Variants in PINX1 observed in about 807,000 individuals in gnomAD.
PINX1 encodes PIN2/TERF1-interacting telomerase inhibitor 1.
PINX1 carries 34 observed loss-of-function variants against 25.4 expected under a neutral mutation model. The ratio of observed to expected loss-of-function variants is 1.34; its 90% CI spans 1.02 to 1.78. PINX1 has a LOEUF of 1.78. Ranked by LOEUF, PINX1 falls within the 40% of genes most tolerant of loss-of-function variation. The pLI is 0.00. For synonymous variants in PINX1, 197 were observed against 147.7 expected (o/e 1.33, Z -2.42); for missense variants, 592 against 404.9 (o/e 1.46, Z -3.97).
intron 4 of PINX1, among the ~76,000 whole-genome samples, chr8:10,831,427 G>C (rs1798223136): frequency 6.6e-6 from 1 of 152,148 alleles, no homozygotes; most frequent in African/African-American, 2.4e-5. Flanking sequence ...CAAATAGCTA[G>C]AAGAACAGAT....
chr8:10,819,988 A>C (rs73208781), intron 6 of PINX1, among the ~76,000 whole-genome samples: 25,490 of 152,158 alleles, frequency 0.17, 2,543 homozygotes, highest in Non-Finnish European at 0.23. Flanking sequence ...GAAAACACTT[A>C]TTCTTTTTTT....
At chr8:10,786,378 C>A (rs564279457) in intron 6 of PINX1, among the ~76,000 whole-genome samples, 11 of 152,256 alleles carry the variant, frequency 7.2e-5, no homozygotes, top group African/African-American at 2.6e-4. Flanking sequence ...TCTTGGTAAA[C>A]AGGGGAATGG....
chr8:10,826,257 TG>T lies in PINX1; in HGVS notation c.302-14del. The T allele has an allele frequency of 7.1e-7, 1 of 1,404,266 alleles. No homozygotes were observed. The allele number at this position is 1,404,266 out of a possible 1,614,324, so 87.0% of individuals were successfully genotyped here. On this transcript the variant is annotated splice_polypyrimidine_tract_variant and intron_variant, in intron 4 of 6. Coordinates refer to ENST00000314787, the MANE Select transcript of PINX1 (RefSeq NM_017884.6). ...TTGTCCGAGGAATCTTTAAAAAAGA[TG>T]AAAAAAATACATTAAAGTCTTTCTA...
At chr8:10,835,613 C>T (rs73209913) in intron 1 of PINX1, among the ~76,000 whole-genome samples, 24,509 of 152,144 alleles carry the variant, frequency 0.16, 2,481 homozygotes, top group Non-Finnish European at 0.23. Flanking sequence ...TATTTATATC[C>T]GCCTTTCCGG....
intron 6 of PINX1, among the ~76,000 whole-genome samples, chr8:10,777,553 T>C (rs1321086539): frequency 6.6e-6 from 1 of 152,096 alleles, no homozygotes; most frequent in Non-Finnish European, 1.5e-5. Context: ...GGGGGTTGGG[T>C]GTGCGAGTGG....
At chr8:10,771,125 G>C (rs1801208128) in intron 6 of PINX1, 1 of 152,230 alleles carries the variant, frequency 6.6e-6, no homozygotes, top group Non-Finnish European at 1.5e-5. Flanking sequence ...AGAACATTCT[G>C]TACCTTTTCC....
intron 6 of PINX1, among the ~76,000 whole-genome samples, chr8:10,796,634 A>G (rs1264474082): frequency 6.6e-6 from 1 of 152,102 alleles, no homozygotes; most frequent in Non-Finnish European, 1.5e-5. Flanking sequence ...CTCACTCCAG[A>G]CAGGTGATAA....
chr8:10,811,455 A>C (rs2409658), intron 6 of PINX1, among the ~76,000 whole-genome samples: 1 of 151,984 alleles, frequency 6.6e-6, no homozygotes, highest in Non-Finnish European at 1.5e-5. Context: ...GACAAATCCT[A>C]AGACAGCCAT....
chr8:10,783,391 C>T (rs915589056), intron 6 of PINX1, among the ~76,000 whole-genome samples: 1 of 152,198 alleles, frequency 6.6e-6, no homozygotes, highest in Non-Finnish European at 1.5e-5. Flanking sequence ...GACTAGCCAT[C>T]AGTGTGTTTG....
At chr8:10,803,987 T>C (rs910951340) in intron 6 of PINX1, among the ~76,000 whole-genome samples, 1 of 149,162 alleles carries the variant, frequency 6.7e-6, no homozygotes, top group African/African-American at 2.4e-5. Flanking sequence ...AAATTAGCTA[T>C]CATTTTAACT....
At chr8:10,788,905 A>C (rs1801835278) in intron 6 of PINX1, among the ~76,000 whole-genome samples, 1 of 151,514 alleles carries the variant, frequency 6.6e-6, no homozygotes, top group Non-Finnish European at 1.5e-5. Context: ...AAAGAGTCAC[A>C]ATTCCTCTCC....
rs934630978 is a variant in PINX1, at chr8:10,816,026, G to A, written c.471+4167C>T. 3.9e-5 allele frequency among the ~76,000 whole-genome samples: 6 copies of A among 152,280 alleles called. No individual in the cohort carries two copies. The South Asian group carries it at 8.3e-4, about 21-fold the overall frequency. ...CACGATATTCCACTCCTAATCAGAC[G>A]ATTCTGTCGGCAGCTGTGATTGTCA... On this transcript the variant is annotated intron_variant, in intron 6 of 6. Transcript: ENST00000314787.
chr8:10,828,136 G>A (rs1054000873), intron 4 of PINX1, among the ~76,000 whole-genome samples: 5 of 152,106 alleles, frequency 3.3e-5, no homozygotes, highest in African/African-American at 7.2e-5. Flanking sequence ...CAGATGTTCC[G>A]CACTTGAGGC....
At chr8:10,828,418 A>T (rs181546686) in intron 4 of PINX1, among the ~76,000 whole-genome samples, 4 of 152,118 alleles carry the variant, frequency 2.6e-5, no homozygotes, top group Non-Finnish European at 4.4e-5. Context: ...TTTCCTTCCC[A>T]CAGCCACTCC....
At position 10,782,522 on chromosome 8, in the gene PINX1, G is replaced by C. The variant is rs758066163; in HGVS notation, c.472-16606C>G. ...AGGCCAAGGCAGGCGGATCATCTGA[G>C]GTCGGGAGTTCAAGACCAACGTGGC... On this transcript the variant is annotated intron_variant, in intron 6 of 6. Transcript: ENST00000314787. Among the ~76,000 whole-genome samples the C allele has an allele frequency of 1.7e-4, 26 of 152,070 alleles. 1 individual carries two copies. The highest frequency in any genetic ancestry group is 7.2e-4 in the Admixed American group (11 of 15,278).
In PINX1 at chr8:10,826,104, G is replaced by A. The variant is rs72549106; in HGVS notation, c.394+48C>T. 5.3e-3 allele frequency: 5,681 copies of A among 1,068,658 alleles called. 214 individuals carry two copies. The African/African-American group carries it at 0.077, about 15-fold the overall frequency. 66.2% of individuals were successfully genotyped at this position (1,068,658 alleles called of 1,614,324 possible). A position where few individuals can be genotyped will look rare whatever the true frequency, so the allele number is the denominator to read the frequency against. ...AGCTAAAATGCTTCAAGCAACTCAG[G>A]ACAAACACGTAGATTTCAATAACAA... On this transcript the variant is annotated intron_variant, in intron 5 of 6. Transcript: ENST00000314787.
chr8:10,796,050 G>A (rs530428756), intron 6 of PINX1, among the ~76,000 whole-genome samples: 29 of 152,200 alleles, frequency 1.9e-4, no homozygotes, highest in Non-Finnish European at 3.1e-4. Flanking sequence ...TGACTTTGCA[G>A]GCCAAGTGGT....
chr8:10,799,335 G>C (rs1295932770), intron 6 of PINX1, among the ~76,000 whole-genome samples: 1 of 152,160 alleles, frequency 6.6e-6, no homozygotes, highest in Non-Finnish European at 1.5e-5. Flanking sequence ...TGCTTCACGT[G>C]TTTGCTGTTG....
chr8:10,804,877 T>C (rs1024111279), intron 6 of PINX1, among the ~76,000 whole-genome samples: 2 of 152,176 alleles, frequency 1.3e-5, no homozygotes, highest in African/African-American at 2.4e-5. Flanking sequence ...GGGTTTAATC[T>C]ACTCAACATC....
Sources: gnomAD v4.1 joint callset for allele counts (sites outside exome capture counted in the v4.1 genomes callset) on GRCh38, gnomAD v4.1.1 for gene constraint, MANE v1.5 for transcripts, NCBI Gene and HGNC (gene_info 2026-07-23, HGNC 2026-07-21) for gene names.